Variants in RB1CC1 observed in about 807,000 individuals in gnomAD.
RB1CC1 encodes RB1-inducible coiled-coil protein 1.
A neutral mutation model predicts 177.5 loss-of-function variants in RB1CC1; 46 were observed. That is an observed-to-expected ratio of 0.26 (90% CI 0.20 to 0.33). The LOEUF is 0.33. Ranked by LOEUF, RB1CC1 falls within the 10% of genes least tolerant of loss-of-function variation. RB1CC1 has a pLI of 1.00. For synonymous variants in RB1CC1, 666 were observed against 613.6 expected, an observed-to-expected ratio of 1.09 and a Z score of -1.26; for missense variants, 1,703 against 1,816.3, an observed-to-expected ratio of 0.94 and a Z score of 1.13.
rs144140793 is a variant in RB1CC1 at position 52,656,853 on chromosome 8, C to T, written c.2976G>A (p.Glu992=). Residue 992 remains glutamate (E), a synonymous_variant, in exon 15 of 24, where the codon GAG becomes GAA. Coordinates refer to ENST00000025008, the MANE Select transcript of RB1CC1 (RefSeq NM_014781.5). ...SLEQSHLKEL[E]DTLQVRHIQE... ...GTATGTGCCTAACCTGAAGTGTGTC[C>T]TCTAATTCCTTTAGATGACTTTGCT... is the stretch of plus-strand genomic sequence containing the variant. 6.3e-4 allele frequency: 1,010 copies of T among 1,613,560 alleles called. 2 individuals are homozygous for T. The highest frequency in any genetic ancestry group is 2.7e-3 in the Admixed American group (164 of 60,010).
chr8:52,660,874 TAA>T, intron 11 of RB1CC1, 50 bp downstream of exon 11: 1 of 1,476,906 alleles, frequency 6.8e-7, no homozygotes, highest in Non-Finnish European at 9.3e-7. Context: ...TCCAAGCTTA[TAA>T]AAACTTTTAT....
At chr8:52,701,899 C>T (rs1427291401) in intron 1 of RB1CC1, among the ~76,000 whole-genome samples, 2 of 152,002 alleles carry the variant, frequency 1.3e-5, no homozygotes, top group African/African-American at 4.8e-5. Context: ...CTCCGCCTCC[C>T]GGGTTCAAGC....
At chr8:52,649,635 CA>C (rs1417893905) in intron 15 of RB1CC1, among the ~76,000 whole-genome samples, 1 of 151,980 alleles carries the variant, frequency 6.6e-6, no homozygotes, top group Non-Finnish European at 1.5e-5. Context: ...GACTCCGTCT[CA>C]AAAAAATAAT....
chr8:52,703,131 T>A (rs931521463), intron 1 of RB1CC1, among the ~76,000 whole-genome samples: 1 of 151,856 alleles, frequency 6.6e-6, no homozygotes, highest in Admixed American at 6.6e-5. Context: ...AAAAAAAAAG[T>A]AATCAACTTG....
At chr8:52,702,824 A>C (rs1328332525) in intron 1 of RB1CC1, among the ~76,000 whole-genome samples, 1 of 152,202 alleles carries the variant, frequency 6.6e-6, no homozygotes, top group Admixed American at 6.5e-5. Context: ...GATATTTATC[A>C]TACCTACCTC....
intron 20 of RB1CC1, 151 bp downstream of exon 20, chr8:52,634,769 TC>T: frequency 1.6e-6 from 1 of 606,096 alleles, no homozygotes; most frequent in South Asian, 2.4e-5. Context: ...ATTCTGAAAA[TC>T]AATAGGATTC....
At position 52,673,978 on chromosome 8, in the gene RB1CC1, T is replaced by C. The variant is rs545215592; in HGVS notation, c.869A>G (p.Asp290Gly). Residue 290 changes from aspartate (D) to glycine (G), a missense_variant, in exon 7 of 24, where the codon GAT becomes GGT. Transcript: ENST00000025008. ...ESCQSTVHQQDETTIDTKDGD... is the reference protein window; with the variant it reads ...ESCQSTVHQQGETTIDTKDGD... Reference sequence around the variant, plus strand: ...ATCTTTAGTGTCAATCGTAGTTTCATCTTGCTGATGAACAGTACTTTGACA... The same window carrying C: ...ATCTTTAGTGTCAATCGTAGTTTCACCTTGCTGATGAACAGTACTTTGACA... 5.0e-6 allele frequency: 8 copies of C among 1,614,204 alleles called. No individual in the cohort carries two copies. Among genetic ancestry groups the C allele is most frequent in the Non-Finnish European group, 5.9e-6 (7 of 1,180,042 alleles).
rs189581002 is a variant in RB1CC1, at chr8:52,688,823, C to T, written c.-166-1856G>A. On this transcript the variant is annotated intron_variant, in intron 1 of 23. Coordinates refer to ENST00000025008, the MANE Select transcript of RB1CC1 (RefSeq NM_014781.5). ...TACCGATATGTGATGTCGCCCCCGG[C>T]GGCCCAGCTGTAAAATTCCTCTATT... is the stretch of plus-strand genomic sequence containing the variant. Among the ~76,000 whole-genome samples the T allele has an allele frequency of 7.2e-5, 11 of 152,246 alleles. No individual in the cohort carries two copies. The East Asian group carries it at 1.9e-3, about 27-fold the overall frequency.
chr8:52,622,683 T>G lies in RB1CC1; in HGVS notation c.*1099A>C, dbSNP rs1848138284. ...CTCAACTAACTCATTTAAATAACTTTGCTCAATGGCAACTTCTCTAAAGAT... is the reference window on the plus strand; with the variant it reads ...CTCAACTAACTCATTTAAATAACTTGGCTCAATGGCAACTTCTCTAAAGAT... On this transcript the variant is annotated 3_prime_UTR_variant, in exon 24 of 24. Coordinates refer to ENST00000025008, the MANE Select transcript of RB1CC1 (RefSeq NM_014781.5). The G allele has an allele frequency of 6.6e-6, 1 of 152,070 alleles. No homozygotes were observed. 9.4% of individuals were successfully genotyped at this position (152,070 alleles called of 1,614,324 possible).
intron 16 of RB1CC1, among the ~76,000 whole-genome samples, chr8:52,645,468 G>A (rs1158048200): frequency 6.6e-6 from 1 of 151,986 alleles, no homozygotes; most frequent in Non-Finnish European, 1.5e-5. Flanking sequence ...GAAGCACCTG[G>A]TATTGTCATG....
intron 1 of RB1CC1, among the ~76,000 whole-genome samples, chr8:52,689,257 T>C (rs918458848): frequency 6.6e-5 from 10 of 152,212 alleles, no homozygotes; most frequent in African/African-American, 2.4e-4. Flanking sequence ...CTCTCACATA[T>C]TATCCTAGAT....
chr8:52,665,619 A>G (rs910289991), intron 8 of RB1CC1, among the ~76,000 whole-genome samples: 5 of 152,236 alleles, frequency 3.3e-5, no homozygotes, highest in African/African-American at 1.2e-4. Context: ...AAACAACTAC[A>G]CTGCAGAAGA....
Position 52,668,011 on chromosome 8 carries a change from A to C in RB1CC1, c.1173+10T>G. The C allele has an allele frequency of 6.2e-7, 1 of 1,603,462 alleles. No individual in the cohort carries two copies. Among genetic ancestry groups the C allele is most frequent in the Non-Finnish European group, 8.5e-7 (1 of 1,175,820 alleles). ...AATTCCTTTTCCTGAGAAAAGTCTA[A>C]AATAGGTACCTGAGCAAGCTCTTTC... On this transcript the variant is annotated intron_variant, in intron 8 of 23. Transcript: ENST00000025008.
At chr8:52,705,785 A>G (rs1440414871) in intron 1 of RB1CC1, among the ~76,000 whole-genome samples, 1 of 152,184 alleles carries the variant, frequency 6.6e-6, no homozygotes, top group African/African-American at 2.4e-5. Flanking sequence ...ACAGTGAGCT[A>G]TGATGGCATC....
intron 22 of RB1CC1, among the ~76,000 whole-genome samples, chr8:52,627,176 G>A (rs1204086646): frequency 1.3e-5 from 2 of 151,626 alleles, no homozygotes; most frequent in Admixed American, 6.6e-5. Context: ...GTAAAAACCC[G>A]CCTCTACTAA....
intron 18 of RB1CC1, among the ~76,000 whole-genome samples, chr8:52,640,743 T>G (rs1000445543): frequency 3.3e-5 from 5 of 151,822 alleles, no homozygotes; most frequent in African/African-American, 1.2e-4. Flanking sequence ...TAACCATGTT[T>G]TCTTGATTTG....
intron 15 of RB1CC1, among the ~76,000 whole-genome samples, chr8:52,647,125 A>G (rs193022452): frequency 6.6e-5 from 10 of 152,330 alleles, no homozygotes; most frequent in Admixed American, 2.0e-4. Flanking sequence ...CACTATATCA[A>G]TAATCATACA....
chr8:52,697,991 A>C (rs1048952270), intron 1 of RB1CC1, among the ~76,000 whole-genome samples: 5 of 152,246 alleles, frequency 3.3e-5, no homozygotes, highest in African/African-American at 9.6e-5. Context: ...ATTTATTAGT[A>C]ACAAATATTT....
intron 1 of RB1CC1, among the ~76,000 whole-genome samples, chr8:52,712,630 CTAAA>C (rs1247955399): frequency 3.3e-5 from 5 of 151,594 alleles, no homozygotes; most frequent in East Asian, 1.9e-4. Context: ...TCAAAATAGA[CTAAA>C]TAAAATTACT....
Sources: allele counts gnomAD v4.1 joint callset (sites outside exome capture counted in the v4.1 genomes callset), GRCh38; gene constraint gnomAD v4.1.1; transcripts MANE v1.5; gene names NCBI Gene and HGNC (gene_info 2026-07-23, HGNC 2026-07-21).